The following TENM4 variants were observed in gnomAD, a reference collection of about 807,000 sequenced individuals.
TENM4 encodes teneurin-4.
TENM4 carries 82 observed loss-of-function variants against 243.3 expected under a neutral mutation model. That is an observed-to-expected ratio of 0.34 (90% confidence interval 0.28 to 0.40). The LOEUF (loss-of-function observed/expected upper bound fraction) is 0.40. TENM4 is among the 10% of genes least tolerant of loss of function. The pLI is 1.00. For missense variants in TENM4, 3,138 were observed against 3,673.3 expected, an observed-to-expected ratio of 0.85 and a Z score of 3.77; for synonymous variants, 1,412 against 1,456.3, an observed-to-expected ratio of 0.97 and a Z score of 0.69.
At chr11:79,357,680 C>A (rs1174857899) in intron 1 of TENM4, among the ~76,000 whole-genome samples, 2 of 152,218 alleles carry the variant, frequency 1.3e-5, no homozygotes, top group African/African-American at 2.4e-5. Context: ...GCCCATAGTA[C>A]AGCAGGTACT....
intron 2 of TENM4, among the ~76,000 whole-genome samples, chr11:79,246,066 C>T (rs1178724298): frequency 6.6e-6 from 1 of 151,736 alleles, no homozygotes; most frequent in Non-Finnish European, 1.5e-5. Flanking sequence ...TGGTAACGTC[C>T]TCATATAATT....
intron 4 of TENM4, among the ~76,000 whole-genome samples, chr11:79,105,984 A>G (rs1861355783): frequency 6.6e-6 from 1 of 152,268 alleles, no homozygotes. Flanking sequence ...AATCAGAACC[A>G]CTGATTCATA....
intron 1 of TENM4, among the ~76,000 whole-genome samples, chr11:79,437,411 G>C (rs995381835): frequency 3.9e-5 from 6 of 152,186 alleles, no homozygotes; most frequent in Non-Finnish European, 7.3e-5. Flanking sequence ...GGCCGGGGAC[G>C]GGAGAAAGGC....
At chr11:79,387,159 G>A (rs1323325108) in intron 1 of TENM4, among the ~76,000 whole-genome samples, 9 of 152,152 alleles carry the variant, frequency 5.9e-5, no homozygotes, top group Non-Finnish European at 4.4e-5. Flanking sequence ...AAGAGTATAT[G>A]CTCTGTGACT....
chr11:79,434,157 C>T (rs1859224887), intron 1 of TENM4, among the ~76,000 whole-genome samples: 1 of 152,198 alleles, frequency 6.6e-6, no homozygotes. Context: ...ATTGATTGAA[C>T]CATGCAAAGA....
intron 6 of TENM4, among the ~76,000 whole-genome samples, chr11:78,969,727 T>C (rs112858445): frequency 6.6e-6 from 1 of 152,332 alleles, no homozygotes; most frequent in Non-Finnish European, 1.5e-5. Context: ...GCACTAGCTG[T>C]GGGCTGCAGG....
intron 18 of TENM4, among the ~76,000 whole-genome samples, chr11:78,764,979 ACT>A (rs1204744926): frequency 2.0e-5 from 3 of 151,752 alleles, no homozygotes; most frequent in Non-Finnish European, 4.4e-5. Flanking sequence ...GGCCTAGTAA[ACT>A]CTTTGTACTG....
At chr11:79,143,477 G>A (rs1862333309) in intron 4 of TENM4, among the ~76,000 whole-genome samples, 1 of 152,002 alleles carries the variant, frequency 6.6e-6, no homozygotes, top group East Asian at 1.9e-4. Flanking sequence ...ATTTAACAAT[G>A]AGAACACTTG....
intron 1 of TENM4, among the ~76,000 whole-genome samples, chr11:79,331,948 A>G (rs1304239335): frequency 6.6e-6 from 1 of 152,226 alleles, no homozygotes; most frequent in African/African-American, 2.4e-5. Context: ...TGGTGCTCAG[A>G]TGCACCGCAG....
chr11:79,227,811 C>T (rs973478976), intron 2 of TENM4, among the ~76,000 whole-genome samples: 15 of 152,152 alleles, frequency 9.9e-5, no homozygotes, highest in African/African-American at 3.6e-4. Context: ...TGAGGCACTG[C>T]AGGAAAGCTG....
chr11:79,266,958 C>A (rs377659949), intron 2 of TENM4, among the ~76,000 whole-genome samples: 5 of 152,326 alleles, frequency 3.3e-5, no homozygotes, highest in African/African-American at 1.2e-4. Context: ...ACCACATTCA[C>A]AAGTGAGCAT....
intron 3 of TENM4, among the ~76,000 whole-genome samples, chr11:79,211,033 C>T (rs1863944778): frequency 6.6e-6 from 1 of 152,164 alleles, no homozygotes; most frequent in Non-Finnish European, 1.5e-5. Flanking sequence ...CCTGGAACCA[C>T]ACCTGCAACC....
In TENM4 at chr11:79,250,627, G is replaced by A. The variant is rs191799097; in HGVS notation, c.-264-34718C>T. The stretch of plus-strand genomic sequence containing the variant: ...CCTGGTTTCCAGGCCTTAAAAAAAG[G>A]AGCGATCCTAGCAAATATTGCCTTC... On this transcript the variant is annotated intron_variant, in intron 2 of 33. Coordinates refer to ENST00000278550, the MANE Select transcript of TENM4 (RefSeq NM_001098816.3). Among the ~76,000 whole-genome samples the A allele has an allele frequency of 1.5e-3, 227 of 152,306 alleles. 1 individual carries two copies. The highest frequency in any genetic ancestry group is 2.4e-3 in the Non-Finnish European group (162 of 68,026).
intron 1 of TENM4, among the ~76,000 whole-genome samples, chr11:79,333,126 G>A (rs1857088328): frequency 3.3e-5 from 5 of 152,134 alleles, no homozygotes. Context: ...ATCCCCATTT[G>A]CAAAGATGTT....
intron 1 of TENM4, among the ~76,000 whole-genome samples, chr11:79,373,373 T>A (rs1301164719): frequency 7.6e-6 from 1 of 131,598 alleles, no homozygotes; most frequent in Non-Finnish European, 1.6e-5. Flanking sequence ...TGAATGAAGG[T>A]GTGAATGGAT....
intron 2 of TENM4, among the ~76,000 whole-genome samples, chr11:79,260,771 G>A (rs1360773443): frequency 6.6e-6 from 1 of 152,122 alleles, no homozygotes; most frequent in Non-Finnish European, 1.5e-5. Flanking sequence ...CTGCCAAAAG[G>A]GCCCTCCCAC....
intron 12 of TENM4, among the ~76,000 whole-genome samples, chr11:78,834,658 A>G (rs1478955510): frequency 6.6e-6 from 1 of 152,142 alleles, no homozygotes; most frequent in Non-Finnish European, 1.5e-5. Flanking sequence ...CATTTTCAAA[A>G]TTCAGTTGGT....
chr11:79,198,470 C>T (rs1863678209), intron 3 of TENM4, among the ~76,000 whole-genome samples: 1 of 152,202 alleles, frequency 6.6e-6, no homozygotes, highest in Admixed American at 6.5e-5. Flanking sequence ...TGCCTGATTC[C>T]TCCTTCCCCC....
At chr11:79,434,907 T>C (rs1859241027) in intron 1 of TENM4, among the ~76,000 whole-genome samples, 1 of 151,938 alleles carries the variant, frequency 6.6e-6, no homozygotes, top group African/African-American at 2.4e-5. Context: ...AGTCTTGTTA[T>C]GATAATAAAA....
Sources: allele counts gnomAD v4.1 joint callset (sites outside exome capture counted in the v4.1 genomes callset), GRCh38; gene constraint gnomAD v4.1.1; transcripts MANE v1.5; gene names NCBI Gene and HGNC (gene_info 2026-07-23, HGNC 2026-07-21).